OPCML: variants seen among roughly 807,000 people sequenced by gnomAD.
The protein encoded by OPCML is opioid-binding protein/cell adhesion molecule.
OPCML carries 13 observed loss-of-function variants against 37.8 expected under a neutral mutation model. The ratio of observed to expected loss-of-function variants is 0.34; its 90% CI spans 0.22 to 0.55. OPCML has a LOEUF of 0.55. Among genes scored for constraint, OPCML ranks in the 20% least tolerant of loss-of-function variants. The pLI is 0.91. For synonymous variants in OPCML, 176 were observed against 168.8 expected (o/e 1.04, Z -0.33); for missense variants, 341 against 435.6 (o/e 0.78, Z 1.93).
intron 1 of OPCML, among the ~76,000 whole-genome samples, chr11:133,523,251 C>G (rs78432221): frequency 0.051 from 7,776 of 152,172 alleles, 645 homozygotes; most frequent in African/African-American, 0.18. Context: ...CAACCTATTC[C>G]TTGTTCCAGG....
chr11:132,466,225 C>T (rs2096118997), intron 4 of OPCML, among the ~76,000 whole-genome samples: 1 of 151,934 alleles, frequency 6.6e-6, no homozygotes, highest in Non-Finnish European at 1.5e-5. Context: ...GTGGCTCACG[C>T]CTGTCATCCC....
intron 2 of OPCML, among the ~76,000 whole-genome samples, chr11:132,697,080 G>A (rs1042893073): frequency 2.9e-4 from 44 of 152,024 alleles, no homozygotes; most frequent in Admixed American, 2.2e-3. Context: ...TTGAATCATG[G>A]ATGAAAAAAG....
intron 2 of OPCML, among the ~76,000 whole-genome samples, chr11:132,685,536 G>GAC (rs1266555128): frequency 1.2e-4 from 19 of 152,170 alleles, no homozygotes; most frequent in Admixed American, 1.2e-3. Flanking sequence ...CAAAGGAGAA[G>GAC]ACACATGTTT....
At chr11:133,509,227 G>A (rs951415750) in intron 1 of OPCML, among the ~76,000 whole-genome samples, 6 of 151,960 alleles carry the variant, frequency 3.9e-5, no homozygotes, top group African/African-American at 9.7e-5. Context: ...CTCAACCCCC[G>A]TCCCACTGAC....
At chr11:132,685,151 GC>G (rs1372720685) in intron 2 of OPCML, among the ~76,000 whole-genome samples, 1 of 152,114 alleles carries the variant, frequency 6.6e-6, no homozygotes, top group Non-Finnish European at 1.5e-5. Flanking sequence ...TCCTAATCAA[GC>G]TTTTTCTTGC....
chr11:132,552,320 C>G (rs2096383607), intron 3 of OPCML, among the ~76,000 whole-genome samples: 1 of 152,186 alleles, frequency 6.6e-6, no homozygotes, highest in Non-Finnish European at 1.5e-5. Flanking sequence ...ATTCATGTGA[C>G]AGACTTTGCC....
At position 132,998,785 on chromosome 11, in the gene OPCML, A is replaced by G. The variant is rs1264197796; in HGVS notation, c.62-55775T>C. Among the ~76,000 whole-genome samples, 3 of 152,206 alleles carry G rather than the reference A, an allele frequency of 2.0e-5. No homozygotes were observed. In the East Asian group the frequency reaches 5.8e-4, roughly 29 times the overall value. On this transcript the variant is annotated intron_variant, in intron 1 of 7. Coordinates refer to ENST00000524381, the MANE Select transcript of OPCML (RefSeq NM_001012393.5). ...GACACCTCACCCTATCTGCCATGTG[A>G]GAATAGTGACAAAATGCCATCTATG...
At chr11:132,599,191 G>A (rs1176612150) in intron 3 of OPCML, among the ~76,000 whole-genome samples, 3 of 152,062 alleles carry the variant, frequency 2.0e-5, no homozygotes, top group African/African-American at 7.2e-5. Context: ...TATTCTGTGG[G>A]AGGAGAATCG....
At chr11:132,578,321 C>G (rs575533519) in intron 3 of OPCML, among the ~76,000 whole-genome samples, 1 of 151,440 alleles carries the variant, frequency 6.6e-6, no homozygotes, top group Non-Finnish European at 1.5e-5. Flanking sequence ...AATCATATTC[C>G]AAAAAAAACA....
At chr11:133,321,801 C>T (rs193246131) in intron 1 of OPCML, among the ~76,000 whole-genome samples, 11 of 152,128 alleles carry the variant, frequency 7.2e-5, no homozygotes, top group East Asian at 1.9e-4. Flanking sequence ...AGTTTGATTC[C>T]GTGGGTTCCA....
intron 3 of OPCML, among the ~76,000 whole-genome samples, chr11:132,553,587 G>C (rs1211365950): frequency 6.6e-6 from 1 of 152,108 alleles, no homozygotes; most frequent in Non-Finnish European, 1.5e-5. Flanking sequence ...GGATAAGTAG[G>C]CAAGATATGG....
chr11:133,319,280 G>A (rs1943275373), intron 1 of OPCML, among the ~76,000 whole-genome samples: 2 of 152,194 alleles, frequency 1.3e-5, no homozygotes, highest in Non-Finnish European at 2.9e-5. Flanking sequence ...ACCCAGGTGA[G>A]ATGGAAAATG....
chr11:132,552,761 C>CTCTTTTTTTTTTTTTTTTTTTT (rs1565658742), intron 3 of OPCML, among the ~76,000 whole-genome samples: 1 of 67,476 alleles, frequency 1.5e-5, no homozygotes, highest in African/African-American at 1.1e-4. Context: ...TTAAACACTA[C>CTCTTTTTTTTTTTTTTTTTTTT]TCTTTTTTTT....
At chr11:133,160,324 T>C (rs1046061841) in intron 1 of OPCML, among the ~76,000 whole-genome samples, 1 of 152,206 alleles carries the variant, frequency 6.6e-6, no homozygotes, top group Non-Finnish European at 1.5e-5. Context: ...GAGCACTTAC[T>C]ATGTGCAGGC....
intron 1 of OPCML, among the ~76,000 whole-genome samples, chr11:133,213,984 A>G (rs1939480476): frequency 6.6e-6 from 1 of 152,178 alleles, no homozygotes; most frequent in South Asian, 2.1e-4. Flanking sequence ...CATCAGATGT[A>G]TGATGAAAAT....
chr11:133,435,197 T>C (rs1401070634), intron 1 of OPCML, among the ~76,000 whole-genome samples: 2 of 152,150 alleles, frequency 1.3e-5, no homozygotes, highest in African/African-American at 2.4e-5. Context: ...AATTATATGC[T>C]ATAGTAAGAT....
intron 1 of OPCML, among the ~76,000 whole-genome samples, chr11:133,354,609 C>T (rs1944240234): frequency 6.6e-6 from 1 of 152,086 alleles, no homozygotes; most frequent in South Asian, 2.1e-4. Flanking sequence ...TCTACTTTCG[C>T]ATTTAGTAAC....
chr11:133,140,667 A>AAAAGAAGAAAGAAG lies in OPCML; in HGVS notation c.62-197671_62-197658dup, dbSNP rs5795823. Among the ~76,000 whole-genome samples the AAAAGAAGAAAGAAG allele has an allele frequency of 5.7e-5, 8 of 140,024 alleles. No homozygotes were observed. In the South Asian group the frequency reaches 7.1e-4, roughly 12 times the overall value. The allele number at this position is 140,024 out of a possible 152,430, so 91.9% of individuals were successfully genotyped here. A position where few individuals can be genotyped will look rare whatever the true frequency, so the allele number is the denominator to read the frequency against. On this transcript the variant is annotated intron_variant, in intron 1 of 7. Transcript: ENST00000524381. ...GGAAGAGGAAGAGGAAGAAAAGAAG[A>AAAAGAAGAAAGAAG]AAAGAAGAAAGAAGAAAGATGGAAG...
chr11:133,182,529 C>T (rs912209030), intron 1 of OPCML, among the ~76,000 whole-genome samples: 12 of 152,282 alleles, frequency 7.9e-5, no homozygotes, highest in African/African-American at 2.9e-4. Flanking sequence ...AAAGCAGCCG[C>T]CTGGATGCTC....
Sources: allele counts gnomAD v4.1 joint callset (sites outside exome capture counted in the v4.1 genomes callset), GRCh38; gene constraint gnomAD v4.1.1; transcripts MANE v1.5; gene names NCBI Gene and HGNC (gene_info 2026-07-23, HGNC 2026-07-21).